CCDC191: variants seen among roughly 807,000 people sequenced by gnomAD.
CCDC191 encodes the protein coiled-coil domain-containing protein 191.
A neutral mutation model predicts 114.0 loss-of-function variants in CCDC191; 99 were observed. The observed-to-expected ratio is 0.87, with a 90% CI of 0.74 to 1.03. The LOEUF is 1.03. Among genes scored for constraint, CCDC191 ranks in the 50% least tolerant of loss-of-function variants. The pLI is 0.00. For synonymous variants in CCDC191, 351 were observed against 376.0 expected (o/e 0.93, Z 0.77); for missense variants, 973 against 1,087.0 (o/e 0.90, Z 1.47).
intron 13 of CCDC191, among the ~76,000 whole-genome samples, chr3:113,982,446 C>T (rs2075190049): frequency 6.6e-6 from 1 of 152,088 alleles, no homozygotes; most frequent in African/African-American, 2.4e-5. Context: ...CCATGATTTA[C>T]TGTGAGGATT....
intron 13 of CCDC191, among the ~76,000 whole-genome samples, chr3:113,982,342 A>G (rs62265456): frequency 0.07 from 10,619 of 152,142 alleles, 417 homozygotes; most frequent in Middle Eastern, 0.11. Flanking sequence ...TCCTCCCTCT[A>G]TTAAGGGTTC....
chr3:114,021,003 T>G (rs1380042692), intron 7 of CCDC191, among the ~76,000 whole-genome samples: 2 of 152,128 alleles, frequency 1.3e-5, no homozygotes, highest in Admixed American at 6.6e-5. Context: ...AAACTTCAAG[T>G]AGAGAAAGGT....
chr3:114,025,995 A>C (rs1044294611), intron 7 of CCDC191, among the ~76,000 whole-genome samples: 3 of 152,312 alleles, frequency 2.0e-5, no homozygotes, highest in Non-Finnish European at 4.4e-5. Flanking sequence ...TGAAATGTCT[A>C]GTGTTTAGGG....
At chr3:113,971,527 C>A (rs1483674836) in intron 16 of CCDC191, among the ~76,000 whole-genome samples, 1 of 152,156 alleles carries the variant, frequency 6.6e-6, no homozygotes, top group Non-Finnish European at 1.5e-5. Flanking sequence ...TGGGATAAAT[C>A]CCACTTGATC....
intron 7 of CCDC191, among the ~76,000 whole-genome samples, chr3:114,025,270 A>C (rs532766748): frequency 6.6e-6 from 1 of 151,896 alleles, no homozygotes; most frequent in East Asian, 1.9e-4. Flanking sequence ...AAAAAAAAAA[A>C]AAACAAAACC....
chr3:114,010,328 TAGG>T (rs1191877588), intron 9 of CCDC191, among the ~76,000 whole-genome samples: 1 of 152,210 alleles, frequency 6.6e-6, no homozygotes, highest in Non-Finnish European at 1.5e-5. Context: ...GACAGAATTA[TAGG>T]AGTTTTTCTC....
chr3:114,025,178 T>C (rs2076302179), intron 7 of CCDC191, among the ~76,000 whole-genome samples: 1 of 151,726 alleles, frequency 6.6e-6, no homozygotes, highest in Admixed American at 6.6e-5. Flanking sequence ...ACAAAAAAAC[T>C]ATGTCTGTTA....
At chr3:113,978,392 C>A (rs1251370729) in intron 15 of CCDC191, 61 bp from the exon 16 acceptor site, 1 of 1,511,800 alleles carries the variant, frequency 6.6e-7, no homozygotes, top group East Asian at 2.3e-5. Flanking sequence ...AGAATTAGAG[C>A]AAATAAACAG....
chr3:114,030,239 A>G (rs984638699), intron 7 of CCDC191, among the ~76,000 whole-genome samples: 4 of 152,168 alleles, frequency 2.6e-5, no homozygotes, highest in Non-Finnish European at 4.4e-5. Flanking sequence ...TGTGTCTAAC[A>G]TTCATATTTG....
At chr3:114,002,572 A>G (rs1481554931) in intron 11 of CCDC191, 34 bp from the exon 12 acceptor site, 1 of 1,514,566 alleles carries the variant, frequency 6.6e-7, no homozygotes, top group Admixed American at 1.9e-5. Flanking sequence ...AATATTTTTT[A>G]TATTGAAAAA....
intron 4 of CCDC191, among the ~76,000 whole-genome samples, chr3:114,041,630 G>C (rs1190655850): frequency 6.6e-6 from 1 of 152,140 alleles, no homozygotes; most frequent in Non-Finnish European, 1.5e-5. Flanking sequence ...AGACTACCTA[G>C]TCTTGAAGGA....
In CCDC191 at chr3:114,018,834, A is replaced by T. The variant is rs768298220; in HGVS notation, c.1007T>A (p.Leu336Gln). Reference protein sequence around the residue: ...QKRYFAAWHKLILDHRIKLGK... With the variant: ...QKRYFAAWHKQILDHRIKLGK... ...CAGCTTAATCCTATGATCAAGAATC[A>T]GCTTGTGCCAGGCAGCGAAATACCG... The change falls in exon 8 of 17, where the codon CTG (leucine) becomes CAG (glutamine). Residue 336 changes from leucine (L) to glutamine (Q), a missense_variant. Transcript: ENST00000295878. 4 of 1,613,752 alleles carry T rather than the reference A, an allele frequency of 2.5e-6. No homozygotes were observed. The highest frequency in any genetic ancestry group is 4.5e-5 in the East Asian group (2 of 44,878).
At chr3:113,988,006 C>A (rs1039131941) in intron 13 of CCDC191, among the ~76,000 whole-genome samples, 1 of 151,776 alleles carries the variant, frequency 6.6e-6, no homozygotes, top group East Asian at 1.9e-4. Context: ...CATGCCACTG[C>A]ACTCCAGCCT....
At chr3:114,005,439 G>A in intron 10 of CCDC191, 69 bp downstream of exon 10, 1 of 1,432,498 alleles carries the variant, frequency 7.0e-7, no homozygotes, top group Non-Finnish European at 9.5e-7. Context: ...GCAGGGCAAA[G>A]AAGCTCAGGA....
intron 13 of CCDC191, chr3:113,984,528 T>A (rs2075285567): frequency 6.6e-6 from 1 of 152,194 alleles, no homozygotes; most frequent in Non-Finnish European, 1.5e-5. Flanking sequence ...TAAAAAGGAA[T>A]AAGACCTATG....
rs1035794325 is a variant in CCDC191, at chr3:114,053,519, A to T, written c.129+78T>A. ...ATAGCAGAGTATGTGCAAAGTGGAG[A>T]TCTATTCATATTTCTTTTCCATCTG... is the stretch of plus-strand genomic sequence containing the variant. On this transcript the variant is annotated intron_variant, in intron 2 of 16. Transcript: ENST00000295878. 10 of 775,784 alleles carry T rather than the reference A, an allele frequency of 1.3e-5. No homozygotes were observed. The East Asian group carries it at 2.3e-4, about 17-fold the overall frequency. The allele number at this position is 775,784 out of a possible 1,614,324, so 48.1% of individuals were successfully genotyped here.
intron 8 of CCDC191, among the ~76,000 whole-genome samples, chr3:114,016,859 T>G (rs1196116204): frequency 6.6e-6 from 1 of 152,204 alleles, no homozygotes; most frequent in Non-Finnish European, 1.5e-5. Flanking sequence ...GCACTCACAT[T>G]GCATCCACTT....
chr3:114,006,008 G>A (rs2107668411), intron 9 of CCDC191, 46 bp from the exon 10 acceptor site: 1 of 1,519,480 alleles, frequency 6.6e-7, no homozygotes, highest in Middle Eastern at 1.7e-4. Context: ...AAAGGACTGT[G>A]CTGATGAAAT....
intron 2 of CCDC191, 148 bp from the exon 3 acceptor site, chr3:114,046,880 C>T: frequency 7.3e-7 from 1 of 1,366,418 alleles, no homozygotes; most frequent in Non-Finnish European, 9.4e-7. Flanking sequence ...GAGGTTTAAA[C>T]ATCTACCCCC....
Sources: gnomAD v4.1 joint callset for allele counts (sites outside exome capture counted in the v4.1 genomes callset) on GRCh38, gnomAD v4.1.1 for gene constraint, MANE v1.5 for transcripts, NCBI Gene and HGNC (gene_info 2026-07-23, HGNC 2026-07-21) for gene names.